The following ACOX3 variants were observed in gnomAD, a reference collection of about 807,000 sequenced individuals.
ACOX3 encodes acyl-CoA oxidase 3, pristanoyl.
In ACOX3, 73 loss-of-function variants were observed where a neutral mutation model predicts 81.5. The observed-to-expected ratio is 0.90, with a 90% CI of 0.74 to 1.09. ACOX3 has a LOEUF of 1.09. Among genes scored for constraint, ACOX3 ranks in the 50% least tolerant of loss-of-function variants. The pLI is 0.00. For synonymous variants in ACOX3, 387 were observed against 375.1 expected, an observed-to-expected ratio of 1.03 and a Z score of -0.37; for missense variants, 947 against 928.0, an observed-to-expected ratio of 1.02 and a Z score of -0.27.
rs770186122 is a variant in ACOX3, at chr4:8,392,368, C to T, written c.1265G>A (p.Cys422Tyr). 6.2e-7 allele frequency: 1 copy of T among 1,606,950 alleles called. No homozygotes were observed. Among genetic ancestry groups the T allele is most frequent in the Non-Finnish European group, 8.5e-7 (1 of 1,177,636 alleles). Residue 422 changes from cysteine to tyrosine, a missense_variant, in exon 11 of 18, where the codon TGC (cysteine) becomes TAC (tyrosine). By Grantham distance (194) the Cys-to-Tyr change is radical. Coordinates refer to ENST00000356406, the MANE Select transcript of ACOX3 (RefSeq NM_003501.3). ...SWTTQQGIQECREACGGHGYL... is the reference protein window; with the variant it reads ...SWTTQQGIQEYREACGGHGYL... ...GCCGTGTCCTCCACACGCCTCCCGG[C>T]ATTCCTGAATTCCTTGCTGGGTGGT...
intron 14 of ACOX3, among the ~76,000 whole-genome samples, chr4:8,378,251 CTG>C (rs1717209641): frequency 6.6e-6 from 1 of 152,236 alleles, no homozygotes; most frequent in Admixed American, 6.5e-5. Context: ...GGGTTGGACT[CTG>C]TGACAGCTGG....
the ACOX3 span, among the ~76,000 whole-genome samples, chr4:8,359,384 G>A: frequency 6.6e-6 from 1 of 152,010 alleles, no homozygotes; most frequent in Non-Finnish European, 1.5e-5. This position sits in a 1 kb window ranked among gnomAD's most constrained non-coding sequence, Gnocchi z 6.0. Flanking sequence ...AGGTAAGGAC[G>A]CTTGCTCAAC....
At chr4:8,376,664 C>T (rs1279648940) in intron 14 of ACOX3, among the ~76,000 whole-genome samples, 1 of 152,190 alleles carries the variant, frequency 6.6e-6, no homozygotes, top group East Asian at 1.9e-4. Context: ...GTGGGCCGTC[C>T]TGTCGGTGCC....
At chr4:8,371,148 C>A (rs10029196) in intron 16 of ACOX3, among the ~76,000 whole-genome samples, 154 bp from the exon 17 acceptor site, 4,005 of 152,280 alleles carry the variant, frequency 0.026, 134 homozygotes, top group African/African-American at 0.079. Flanking sequence ...ATCTCTTCAC[C>A]GGCCTGGATT....
intron 14 of ACOX3, among the ~76,000 whole-genome samples, chr4:8,376,626 AC>A (rs1717001431): frequency 1.3e-5 from 2 of 151,706 alleles, no homozygotes; most frequent in African/African-American, 4.8e-5. Context: ...CTGTCCCAAG[AC>A]CCCCGCTGGG....
At chr4:8,377,236 C>G (rs970044593) in intron 14 of ACOX3, among the ~76,000 whole-genome samples, 1 of 152,212 alleles carries the variant, frequency 6.6e-6, no homozygotes, top group African/African-American at 2.4e-5. Flanking sequence ...TGAACCGAAT[C>G]TGAGTGAGCC....
chr4:8,373,704 C>T (rs1444378051), intron 15 of ACOX3, 76 bp from the exon 16 acceptor site: 1 of 1,432,850 alleles, frequency 7.0e-7, no homozygotes, highest in South Asian at 1.2e-5. Context: ...GCCCTGAGTG[C>T]ACTTTCCAAA....
At chr4:8,378,173 A>C (rs1560170229) in intron 14 of ACOX3, among the ~76,000 whole-genome samples, 4 of 152,186 alleles carry the variant, frequency 2.6e-5, no homozygotes, top group Non-Finnish European at 5.9e-5. Context: ...GAGGCAATGC[A>C]TACTTCAGGC....
At chr4:8,360,967 G>C in the ACOX3 span, among the ~76,000 whole-genome samples, 1 of 152,026 alleles carries the variant, frequency 6.6e-6, no homozygotes, top group African/African-American at 2.4e-5. Context: ...TTTTCACCAA[G>C]AGTAAAAGTC....
At position 8,389,198 on chromosome 4, in the gene ACOX3, A is replaced by G. The variant is rs1167746454; in HGVS notation, c.1512T>C (p.Ser504=). ...GILDQKFEVS[S]VADCLDSAVA... Reference sequence around the variant, plus strand: ...CTGCAGAGTCCAAGCAGTCGGCAACACTGGAGACCTCAAACTTCTGGTCAA... The same window carrying G: ...CTGCAGAGTCCAAGCAGTCGGCAACGCTGGAGACCTCAAACTTCTGGTCAA... The change falls in exon 13 of 18, where the codon AGT becomes AGC. Residue 504 remains serine (S), a synonymous_variant. Coordinates refer to ENST00000356406, the MANE Select transcript of ACOX3 (RefSeq NM_003501.3). The surrounding 1 kb of genome is among the most constrained non-coding windows in gnomAD (Gnocchi z 5.3). 6.2e-7 allele frequency: 1 copy of G among 1,613,970 alleles called. No homozygotes were observed. Among genetic ancestry groups the G allele is most frequent in the Admixed American group, 1.7e-5 (1 of 60,008 alleles).
chr4:8,420,605 G>A (rs773323730), intron 1 of ACOX3, among the ~76,000 whole-genome samples: 26 of 152,232 alleles, frequency 1.7e-4, no homozygotes, highest in Non-Finnish European at 3.1e-4. Flanking sequence ...TATAAACCCA[G>A]GCATTCGAGC....
At chr4:8,359,119 T>A in the ACOX3 span, among the ~76,000 whole-genome samples, 3 of 152,072 alleles carry the variant, frequency 2.0e-5, no homozygotes, top group African/African-American at 7.2e-5. This position sits in a 1 kb window ranked among gnomAD's most constrained non-coding sequence, Gnocchi z 6.0. Flanking sequence ...GAAGTGACTA[T>A]AGTGTGGAAA....
At position 8,419,764 on chromosome 4, in the gene ACOX3, T is replaced by C. The variant is rs1251415993; in HGVS notation, c.-14-3229A>G. On this transcript the variant is annotated intron_variant, in intron 1 of 17. Transcript: ENST00000356406. This position sits in a 1 kb window ranked among gnomAD's most constrained non-coding sequence, Gnocchi z 4.2. ...ATGTTCTGGAGATGCCCATACTGAGTGTTCAACACTGAATTCAGCCTCTCA... is the reference window on the plus strand; with the variant it reads ...ATGTTCTGGAGATGCCCATACTGAGCGTTCAACACTGAATTCAGCCTCTCA... Among the ~76,000 whole-genome samples, 4 of 152,228 alleles carry C rather than the reference T, an allele frequency of 2.6e-5. No individual in the cohort carries two copies. Among genetic ancestry groups the C allele is most frequent in the East Asian group, 3.9e-4 (2 of 5,164 alleles).
intron 7 of ACOX3, among the ~76,000 whole-genome samples, chr4:8,404,059 T>C (rs909526625): frequency 2.0e-5 from 3 of 152,222 alleles, no homozygotes; most frequent in Admixed American, 1.3e-4. Flanking sequence ...AACACAGTGC[T>C]TCCTACACCC....
chr4:8,378,597 G>A (rs375880743), intron 14 of ACOX3, among the ~76,000 whole-genome samples: 1 of 151,832 alleles, frequency 6.6e-6, no homozygotes, highest in East Asian at 1.9e-4. Flanking sequence ...GCAGGCTGCG[G>A]GGACGCCATC....
chr4:8,408,913 GGTGGGGGC>G (rs1721365246), intron 6 of ACOX3, among the ~76,000 whole-genome samples: 1 of 94,512 alleles, frequency 1.1e-5, no homozygotes, highest in African/African-American at 3.7e-5. Flanking sequence ...GTGGGGGGGG[GGTGGGGGC>G]GGTCTGAGGC....
rs905923123 is a variant in ACOX3 at position 8,423,367 on chromosome 4, G to C, written c.-14-6832C>G. ...ACTTGAGGAAGGAATTAATCCTGAA[G>C]TCTGGGCAACAGAAGGACAATATGG... On this transcript the variant is annotated intron_variant, in intron 1 of 17. Coordinates refer to ENST00000356406, the MANE Select transcript of ACOX3 (RefSeq NM_003501.3). This position sits in a 1 kb window ranked among gnomAD's most constrained non-coding sequence, Gnocchi z 4.2. Among the ~76,000 whole-genome samples, 68 of 152,128 alleles carry C rather than the reference G, an allele frequency of 4.5e-4. No homozygotes were observed. The highest frequency in any genetic ancestry group is 1.6e-3 in the African/African-American group (68 of 41,436).
rs184037972 is a variant in ACOX3, at chr4:8,438,085, A to G, written c.-15+2563T>C. 9.7e-4 allele frequency among the ~76,000 whole-genome samples: 148 copies of G among 152,388 alleles called. 1 individual carries two copies. The highest frequency in any genetic ancestry group is 3.4e-3 in the African/African-American group (142 of 41,598). On this transcript the variant is annotated intron_variant, in intron 1 of 17. Coordinates refer to ENST00000356406, the MANE Select transcript of ACOX3 (RefSeq NM_003501.3). ...GTGAAAACTTGCTTATAGACTTTAC[A>G]GAACTGCCTCATGCTGGAGGCTATC...
At chr4:8,395,769 C>T (rs971434138) in intron 9 of ACOX3, among the ~76,000 whole-genome samples, 2 of 152,202 alleles carry the variant, frequency 1.3e-5, no homozygotes, top group East Asian at 1.9e-4. Context: ...GGGATGGGTG[C>T]CACACAGGCA....
Sources: gnomAD v4.1 joint callset for allele counts (sites outside exome capture counted in the v4.1 genomes callset) on GRCh38, gnomAD v4.1.1 for gene constraint, Gnocchi (gnomAD v3.1) non-coding constraint, MANE v1.5 for transcripts, NCBI Gene and HGNC (gene_info 2026-07-23, HGNC 2026-07-21) for gene names.